Variants in CYP3A5 observed in about 807,000 individuals in gnomAD.
CYP3A5 encodes the protein cytochrome P450 3A5.
Under a neutral mutation model 55.9 loss-of-function variants are expected in CYP3A5, and 51 were observed. The ratio of observed to expected loss-of-function variants is 0.91; its 90% CI spans 0.73 to 1.15. The LOEUF (loss-of-function observed/expected upper bound fraction) is 1.15, where lower values mean the gene tolerates loss of function less well. Ranked by LOEUF, CYP3A5 falls within the 50% of genes most tolerant of loss-of-function variation. The pLI is 0.00. For missense variants in CYP3A5, 533 were observed against 596.6 expected, an observed-to-expected ratio of 0.89 and a Z score of 1.11; for synonymous variants, 196 against 213.9, an observed-to-expected ratio of 0.92 and a Z score of 0.73.
intron 10 of CYP3A5, chr7:99,658,808 T>C (rs1321782787): frequency 1.3e-5 from 2 of 152,164 alleles, no homozygotes; most frequent in African/African-American, 4.8e-5. Flanking sequence ...TCTAAACTTC[T>C]CTTCTTTCTT....
At chr7:99,649,968 G>T in intron 12 of CYP3A5, 105 bp downstream of exon 12, 1 of 1,398,466 alleles carries the variant, frequency 7.2e-7, no homozygotes, top group Non-Finnish European at 9.8e-7. Flanking sequence ...AGGTTCTTTG[G>T]CCCATAGAAT....
At position 99,663,007 on chromosome 7, in the gene CYP3A5, G is replaced by A; in HGVS notation, c.799-125C>T. ...CTCAACCTCCCTATGGCTTCTTGAA[G>A]ACGTGTTACCTGAGTCACCAGTGAA... On this transcript the variant is annotated intron_variant, in intron 8 of 12. Coordinates refer to ENST00000222982, the MANE Select transcript of CYP3A5 (RefSeq NM_000777.5). 3 of 1,481,444 alleles carry A rather than the reference G, an allele frequency of 2.0e-6. No individual in the cohort carries two copies. The South Asian group carries it at 4.1e-5, about 20-fold the overall frequency. 91.8% of individuals were successfully genotyped at this position (1,481,444 alleles called of 1,614,324 possible).
chr7:99,660,217 T>TTC, intron 10 of CYP3A5: 1 of 747,198 alleles, frequency 1.3e-6, no homozygotes, highest in Non-Finnish European at 1.6e-6. Context: ...CACACTCCTT[T>TTC]TTTTTTTTTT....
At chr7:99,663,252 G>T in intron 8 of CYP3A5, 1 of 1,049,972 alleles carries the variant, frequency 9.5e-7, no homozygotes, top group Non-Finnish European at 1.1e-6. Flanking sequence ...TTTTTCTTCA[G>T]CAGTGTCCGT....
intron 7 of CYP3A5, among the ~76,000 whole-genome samples, chr7:99,664,361 C>T (rs777970210): frequency 1.4e-4 from 21 of 152,172 alleles, no homozygotes; most frequent in Admixed American, 5.2e-4. Flanking sequence ...AATTCCCTGA[C>T]CTCTTAGCCT....
chr7:99,673,601 A>C (rs1033231911), intron 3 of CYP3A5, among the ~76,000 whole-genome samples: 2 of 152,256 alleles, frequency 1.3e-5, no homozygotes, highest in African/African-American at 2.4e-5. Flanking sequence ...AAAGTGGAGC[A>C]TAAGTGGTTT....
At chr7:99,660,464 C>G in intron 10 of CYP3A5, 35 bp downstream of exon 10, 3 of 1,568,918 alleles carry the variant, frequency 1.9e-6, no homozygotes, top group Non-Finnish European at 2.6e-6. Flanking sequence ...TAAGGCTTCA[C>G]CTCTTCCCTT....
At chr7:99,666,734 C>T (rs746564367) in intron 5 of CYP3A5, 45 bp from the exon 6 acceptor site, 1 of 1,613,676 alleles carries the variant, frequency 6.2e-7, no homozygotes, top group Admixed American at 1.7e-5. Flanking sequence ...TGTGCAGACT[C>T]AAGTCCCAGA....
chr7:99,652,490 G>A, intron 11 of CYP3A5, 63 bp downstream of exon 11: 1 of 1,039,016 alleles, frequency 9.6e-7, no homozygotes, highest in East Asian at 2.4e-5. Context: ...TAGATTAAGA[G>A]AGGCAGAATA....
chr7:99,667,090 T>G, intron 4 of CYP3A5, 25 bp from the exon 5 acceptor site: 1 of 1,596,278 alleles, frequency 6.3e-7, no homozygotes, highest in Non-Finnish European at 8.6e-7. Flanking sequence ...AAACATTTTT[T>G]CTCACATTAG....
Position 99,667,051 on chromosome 7 carries a change from C to G in CYP3A5, c.333G>C (p.Val111=). The G allele has an allele frequency of 6.2e-7, 1 of 1,614,026 alleles. No individual in the cohort carries two copies. The highest frequency in any genetic ancestry group is 8.5e-7 in the Non-Finnish European group (1 of 1,179,896). ...AAGAGATGGCACTTTTCATAAATCC[C>G]ACTGGGCCTAAAGACTAGAGTTCAA... ...VFTNRRSLGP[V]GFMKSAISLA... The change falls in exon 5 of 13, where the codon GTG becomes GTC. Residue 111 remains valine, a synonymous_variant. Transcript: ENST00000222982.
intron 3 of CYP3A5, chr7:99,674,103 T>C (rs2151450196): frequency 6.5e-6 from 1 of 154,266 alleles, no homozygotes; most frequent in Middle Eastern, 3.4e-3. Context: ...AACAAAACTA[T>C]TACAAAAGTG....
At chr7:99,676,954 A>G (rs1812353595) in intron 1 of CYP3A5, among the ~76,000 whole-genome samples, 2 of 152,154 alleles carry the variant, frequency 1.3e-5, no homozygotes, top group Non-Finnish European at 1.5e-5. Flanking sequence ...ATGTCCTTGA[A>G]TGATTGTGTG....
chr7:99,671,589 CA>C (rs548716993), intron 4 of CYP3A5: 27 of 428,910 alleles, frequency 6.3e-5, no homozygotes, highest in African/African-American at 5.5e-4. Context: ...AATATTAACA[CA>C]AAATGGGTAA....
At chr7:99,667,242 G>T (rs1811117954) in intron 4 of CYP3A5, among the ~76,000 whole-genome samples, 177 bp from the exon 5 acceptor site, 1 of 147,284 alleles carries the variant, frequency 6.8e-6, no homozygotes, top group Non-Finnish European at 1.5e-5. Context: ...TCTTCTGAGT[G>T]TATGTGGGGC....
chr7:99,661,120 A>G (rs903577452), intron 9 of CYP3A5, among the ~76,000 whole-genome samples: 1 of 152,208 alleles, frequency 6.6e-6, no homozygotes, highest in African/African-American at 2.4e-5. Flanking sequence ...AGAATTTGCA[A>G]TATTTAGGAC....
intron 10 of CYP3A5, 95 bp downstream of exon 10, chr7:99,660,404 T>C: frequency 6.7e-7 from 1 of 1,488,600 alleles, no homozygotes; most frequent in Non-Finnish European, 8.9e-7. Context: ...AATCAGTGAT[T>C]ATGCTTTTTA....
At chr7:99,663,180 G>C in intron 8 of CYP3A5, 1 of 1,130,542 alleles carries the variant, frequency 8.8e-7, no homozygotes, top group African/African-American at 1.6e-5. Flanking sequence ...AGAGTTGCCG[G>C]TTCCATCTCT....
At chr7:99,678,373 C>T (rs1478568202) in intron 1 of CYP3A5, among the ~76,000 whole-genome samples, 2 of 152,220 alleles carry the variant, frequency 1.3e-5, no homozygotes, top group African/African-American at 4.8e-5. Flanking sequence ...TACCTGGAAG[C>T]CTTTGCTATC....
Sources: gnomAD v4.1 joint callset for allele counts (sites outside exome capture counted in the v4.1 genomes callset) on GRCh38, gnomAD v4.1.1 for gene constraint, MANE v1.5 for transcripts, NCBI Gene and HGNC (gene_info 2026-07-23, HGNC 2026-07-21) for gene names.